CFAP46: variants seen among roughly 807,000 people sequenced by gnomAD.
CFAP46 encodes cilia and flagella associated protein 46.
In CFAP46, 245 loss-of-function variants were observed where a neutral mutation model predicts 325.7. The observed-to-expected ratio is 0.75, with a 90% CI of 0.68 to 0.84. The LOEUF is 0.84. Among genes scored for constraint, CFAP46 ranks in the 40% least tolerant of loss-of-function variants. The pLI is 0.00. For missense variants in CFAP46, 3,346 were observed against 3,543.0 expected (o/e 0.94, Z 1.41); for synonymous variants, 1,523 against 1,495.9 (o/e 1.02, Z -0.42).
chr10:132,814,642 A>G, intron 52 of CFAP46, 30 bp from the exon 53 acceptor site: 1 of 1,581,458 alleles, frequency 6.3e-7, no homozygotes, highest in Non-Finnish European at 8.6e-7. Context: ...AAACGGGAGC[A>G]CAGGGCGGGG....
At chr10:132,861,127 ACT>A (rs1848715848) in intron 35 of CFAP46, 145 bp from the exon 36 acceptor site, 1 of 840,020 alleles carries the variant, frequency 1.2e-6, no homozygotes, top group East Asian at 2.7e-5. Context: ...AGGGCTGCTC[ACT>A]CTGGCAGTGG....
chr10:132,923,583 CT>C (rs1849762698), intron 11 of CFAP46, among the ~76,000 whole-genome samples: 1 of 150,714 alleles, frequency 6.6e-6, no homozygotes, highest in Admixed American at 6.6e-5. Flanking sequence ...TCACGCAGCC[CT>C]TGTGGGGGTG....
At chr10:132,848,436 G>A (rs914357951) in intron 41 of CFAP46, among the ~76,000 whole-genome samples, 4 of 152,102 alleles carry the variant, frequency 2.6e-5, no homozygotes, top group African/African-American at 9.7e-5. Context: ...GAGTCGGGGG[G>A]AGGGAGGGCA....
chr10:132,936,169 T>C (rs559094660), intron 7 of CFAP46, among the ~76,000 whole-genome samples: 1 of 107,930 alleles, frequency 9.3e-6, no homozygotes. Context: ...AAATACACTG[T>C]GATCTCCTCA....
At chr10:132,853,828 C>T (rs1357831503) in intron 39 of CFAP46, among the ~76,000 whole-genome samples, 2 of 152,134 alleles carry the variant, frequency 1.3e-5, no homozygotes, top group Non-Finnish European at 2.9e-5. Flanking sequence ...TTCCCTTATC[C>T]TTTCAATATC....
Position 132,919,931 on chromosome 10 carries a change from G to T in CFAP46, c.1730+128C>A. The stretch of plus-strand genomic sequence containing the variant: ...AGGGACCTCGTCCCACCATCCTGGA[G>T]CAGGTGGCCTGGCGAGTCCCCAGAC... On this transcript the variant is annotated intron_variant, in intron 14 of 57. Transcript: ENST00000368586. This position sits in a 1 kb window ranked among gnomAD's most constrained non-coding sequence, Gnocchi z 9.7. 1 of 1,247,846 alleles carries T rather than the reference G, an allele frequency of 8.0e-7. No individual in the cohort carries two copies. Among genetic ancestry groups the T allele is most frequent in the Non-Finnish European group, 1.1e-6 (1 of 944,088 alleles). The allele number at this position is 1,247,846 out of a possible 1,614,324, so 77.3% of individuals were successfully genotyped here.
At chr10:132,887,567 C>T (rs1158786293) in intron 25 of CFAP46, among the ~76,000 whole-genome samples, 5 of 54,184 alleles carry the variant, frequency 9.2e-5, no homozygotes, top group Admixed American at 1.6e-4. Context: ...TCTTCTCTCT[C>T]CTCTCCTCTC....
intron 22 of CFAP46, among the ~76,000 whole-genome samples, chr10:132,903,906 T>G (rs993420757): frequency 6.6e-6 from 1 of 152,242 alleles, no homozygotes. Flanking sequence ...ATAATCTACA[T>G]GAAATGTATA....
chr10:132,940,958 C>T lies in CFAP46; in HGVS notation c.371+38G>A, dbSNP rs764853267. ...TAAGTTCTGGCTCTGAAGTCTTTCA[C>T]CCAGTCAGTGAGAAACGGCCACTTC... is the stretch of plus-strand genomic sequence containing the variant. On this transcript the variant is annotated intron_variant, in intron 4 of 57. Transcript: ENST00000368586. 8 of 1,603,074 alleles carry T rather than the reference C, an allele frequency of 5.0e-6. No homozygotes were observed. The Admixed American group carries it at 5.0e-5, about 10-fold the overall frequency.
intron 17 of CFAP46, among the ~76,000 whole-genome samples, 183 bp from the exon 18 acceptor site, chr10:132,913,441 C>T (rs1407622189): frequency 4.6e-5 from 7 of 152,340 alleles, no homozygotes; most frequent in African/African-American, 1.7e-4. Context: ...CCACCTGAGC[C>T]CCGCCTCCCG....
At chr10:132,930,873 C>T (rs1849887492) in intron 8 of CFAP46, among the ~76,000 whole-genome samples, 1 of 107,426 alleles carries the variant, frequency 9.3e-6, no homozygotes, top group African/African-American at 4.0e-5. Flanking sequence ...TCCCCACACT[C>T]CCCACGCAGA....
Position 132,850,043 on chromosome 10 carries a change from A to G in CFAP46, c.5952+201T>C, listed in dbSNP as rs140459180. Among the ~76,000 whole-genome samples, 1,405 of 152,240 alleles carry G rather than the reference A, an allele frequency of 9.2e-3. 12 individuals carry two copies. Among genetic ancestry groups the G allele is most frequent in the South Asian group, 0.043 (208 of 4,818 alleles). On this transcript the variant is annotated intron_variant, in intron 41 of 57. Transcript: ENST00000368586. ...TGCCCTCCTTGCCTACTCCACAGAC[A>G]CTGTGTTTCCCTCCCAGGTCTGTTC...
At chr10:132,811,137 C>G in intron 55 of CFAP46, 106 bp from the exon 56 acceptor site, 1 of 929,950 alleles carries the variant, frequency 1.1e-6, no homozygotes, top group Non-Finnish European at 1.7e-6. Flanking sequence ...CAGGGCATGG[C>G]ACGCTGGCCA....
At position 132,899,593 on chromosome 10, in the gene CFAP46, G is replaced by T; in HGVS notation, c.2998C>A (p.Leu1000Met). ...AGTCGCAGCTGCTTCCGGCCCTTCA[G>T]GTTTTCCATGATGCTCCTGCCCTGG... ...AIQGRSIMEN[L>M]KGRKQLRLVA... Residue 1000 changes from leucine to methionine, a missense_variant, in exon 23 of 58, where the codon CTG becomes ATG. Transcript: ENST00000368586. 1 of 1,550,040 alleles carries T rather than the reference G, an allele frequency of 6.5e-7. No homozygotes were observed. Among genetic ancestry groups the T allele is most frequent in the Non-Finnish European group, 8.7e-7 (1 of 1,146,968 alleles).
At chr10:132,866,517 G>A (rs1336352029) in intron 34 of CFAP46, among the ~76,000 whole-genome samples, 1 of 152,232 alleles carries the variant, frequency 6.6e-6, no homozygotes, top group Admixed American at 6.5e-5. Context: ...ACCTCGTGGT[G>A]CCGAACAACC....
In CFAP46 at chr10:132,860,934, G is replaced by A. The variant is rs188871510; in HGVS notation, c.4939C>T (p.Gln1647Ter). The change falls in exon 36 of 58, where the codon CAG (glutamine) becomes TAG (stop). Residue 1647 changes from glutamine to a stop codon, truncating the protein, a stop_gained. Transcript: ENST00000368586. LOFTEE classifies it high-confidence loss of function. Reference sequence around the variant, plus strand: ...TAGTTTTTCTCCTTGTTGGCCAACTGTGCGAGGAGGAGCAGGCACTGGGCC... The same window carrying A: ...TAGTTTTTCTCCTTGTTGGCCAACTATGCGAGGAGGAGCAGGCACTGGGCC... ...AEAQCLLLLAQLANKEKNYGQ... is the reference protein window; with the variant it reads ...AEAQCLLLLA The A allele has an allele frequency of 3.2e-6, 5 of 1,550,704 alleles. No individual in the cohort carries two copies. The highest frequency in any genetic ancestry group is 3.5e-6 in the Non-Finnish European group (4 of 1,147,038).
intron 50 of CFAP46, among the ~76,000 whole-genome samples, chr10:132,824,851 T>C (rs978868048): frequency 1.2e-4 from 16 of 134,986 alleles, no homozygotes; most frequent in Non-Finnish European, 3.2e-5. Flanking sequence ...TGAGCGCTGA[T>C]GTGTGTGTGT....
intron 29 of CFAP46, among the ~76,000 whole-genome samples, chr10:132,878,457 G>A (rs1441104951): frequency 1.3e-5 from 2 of 152,142 alleles, no homozygotes; most frequent in East Asian, 1.9e-4. Context: ...CAGGGAGGAC[G>A]CTAGGCACGC....
Position 132,919,612 on chromosome 10 carries a change from A to G in CFAP46, c.1731-170T>C, listed in dbSNP as rs1405886331. ...GTACGGCCTGGCGGGTGCATGTCCC[A>G]GGGTCGGGCGCAGCTCTCCGCTCTC... On this transcript the variant is annotated intron_variant, in intron 14 of 57. Coordinates refer to ENST00000368586, the MANE Select transcript of CFAP46 (RefSeq NM_001200049.3). The surrounding 1 kb of genome is among the most constrained non-coding windows in gnomAD (Gnocchi z 9.7). Among the ~76,000 whole-genome samples, 1 of 151,990 alleles carries G rather than the reference A, an allele frequency of 6.6e-6. No homozygotes were observed. The highest frequency in any genetic ancestry group is 2.1e-4 in the South Asian group (1 of 4,816).
Sources: allele counts gnomAD v4.1 joint callset (sites outside exome capture counted in the v4.1 genomes callset), GRCh38; gene constraint gnomAD v4.1.1; non-coding constraint Gnocchi (gnomAD v3.1); transcripts MANE v1.5; gene names NCBI Gene and HGNC (gene_info 2026-07-23, HGNC 2026-07-21).